Variants in GALNTL6 observed in about 807,000 individuals in gnomAD.
The protein encoded by GALNTL6 is polypeptide N-acetylgalactosaminyltransferase like 6, also known as polypeptide N-acetylgalactosaminyltransferase-like 6.
GALNTL6 carries 46 observed loss-of-function variants against 73.7 expected under a neutral mutation model. That is an observed-to-expected ratio of 0.62 (90% CI 0.49 to 0.80). The LOEUF is 0.80. Among genes scored for constraint, GALNTL6 ranks in the 30% least tolerant of loss-of-function variants. The pLI, the probability that GALNTL6 is intolerant of heterozygous loss-of-function variation, is 0.00. For synonymous variants in GALNTL6, 259 were observed against 263.7 expected (o/e 0.98, Z 0.17); for missense variants, 604 against 755.0 (o/e 0.80, Z 2.34).
intron 5 of GALNTL6, among the ~76,000 whole-genome samples, chr4:172,627,175 C>G (rs188594432): frequency 1.3e-5 from 2 of 152,000 alleles, no homozygotes; most frequent in African/African-American, 4.8e-5. Context: ...TTCTTCAATG[C>G]CTAGTTTGGT....
chr4:172,341,295 C>CAA (rs1204765599), intron 4 of GALNTL6, among the ~76,000 whole-genome samples: 7 of 150,388 alleles, frequency 4.7e-5, no homozygotes, highest in African/African-American at 1.5e-4. Context: ...ACTAAAAATA[C>CAA]AAAAAATTAG....
chr4:172,308,199 G>A (rs1276416574), intron 3 of GALNTL6, among the ~76,000 whole-genome samples: 2 of 150,824 alleles, frequency 1.3e-5, no homozygotes, highest in African/African-American at 2.4e-5. Context: ...AATGAATTCA[G>A]TAAAGTAGTA....
chr4:172,139,250 G>C (rs1733740063), intron 2 of GALNTL6, among the ~76,000 whole-genome samples: 1 of 152,128 alleles, frequency 6.6e-6, no homozygotes, highest in African/African-American at 2.4e-5. Flanking sequence ...ATTGCTCACT[G>C]TTTATGCCCT....
intron 8 of GALNTL6, among the ~76,000 whole-genome samples, chr4:172,916,939 A>C (rs1747553665): frequency 6.6e-6 from 1 of 152,242 alleles, no homozygotes; most frequent in Non-Finnish European, 1.5e-5. Flanking sequence ...CACATTGCTA[A>C]GACAATCCTG....
intron 5 of GALNTL6, among the ~76,000 whole-genome samples, chr4:172,738,091 G>A (rs1335433632): frequency 6.6e-6 from 1 of 152,156 alleles, no homozygotes; most frequent in Non-Finnish European, 1.5e-5. Flanking sequence ...TTCCCTTCAG[G>A]CAGTCATGAT....
intron 10 of GALNTL6, among the ~76,000 whole-genome samples, chr4:172,957,140 A>G (rs988456362): frequency 4.6e-5 from 7 of 152,276 alleles, no homozygotes; most frequent in African/African-American, 7.2e-5. Context: ...CCTGGGCGGG[A>G]GCAAATCCCC....
At chr4:172,881,144 G>A (rs1049510340) in intron 7 of GALNTL6, among the ~76,000 whole-genome samples, 3 of 152,148 alleles carry the variant, frequency 2.0e-5, no homozygotes, top group Non-Finnish European at 4.4e-5. Flanking sequence ...ACCAACACTT[G>A]CAGAAGTAAT....
At chr4:172,778,857 T>C (rs1172712995) in intron 5 of GALNTL6, among the ~76,000 whole-genome samples, 1 of 152,222 alleles carries the variant, frequency 6.6e-6, no homozygotes, top group Non-Finnish European at 1.5e-5. Flanking sequence ...CGGAAAGTCG[T>C]ATAAGCCTTA....
At chr4:172,639,588 T>C (rs1739867752) in intron 5 of GALNTL6, among the ~76,000 whole-genome samples, 1 of 152,160 alleles carries the variant, frequency 6.6e-6, no homozygotes, top group South Asian at 2.1e-4. Flanking sequence ...GTAATTATAC[T>C]ATGTCTTTCT....
chr4:172,698,164 T>C (rs866961414), intron 5 of GALNTL6, among the ~76,000 whole-genome samples: 8 of 151,838 alleles, frequency 5.3e-5, no homozygotes, highest in Non-Finnish European at 1.0e-4. Flanking sequence ...TCCTCCCCAT[T>C]TGGGAGGAGT....
chr4:172,716,475 G>T (rs1043491613), intron 5 of GALNTL6, among the ~76,000 whole-genome samples: 1 of 138,388 alleles, frequency 7.2e-6, no homozygotes, highest in Non-Finnish European at 1.6e-5. Flanking sequence ...TTATCTCCTC[G>T]ATGACTGACG....
intron 5 of GALNTL6, among the ~76,000 whole-genome samples, chr4:172,462,404 G>A (rs62331673): frequency 0.042 from 6,435 of 152,200 alleles, 216 homozygotes; most frequent in Non-Finnish European, 0.064. Flanking sequence ...TACCTATAGA[G>A]ACAGGATGTT....
At chr4:172,503,675 A>G (rs1002768312) in intron 5 of GALNTL6, among the ~76,000 whole-genome samples, 1 of 151,816 alleles carries the variant, frequency 6.6e-6, no homozygotes, top group African/African-American at 2.4e-5. Flanking sequence ...ATGTTACAGA[A>G]GTGAATTCAA....
chr4:172,815,205 C>T (rs1741531810), intron 7 of GALNTL6, among the ~76,000 whole-genome samples: 1 of 151,770 alleles, frequency 6.6e-6, no homozygotes. Flanking sequence ...TTTAGCCATT[C>T]GACAATATGT....
At chr4:172,234,391 GATCA>G (rs1221307740) in intron 3 of GALNTL6, among the ~76,000 whole-genome samples, 1 of 151,990 alleles carries the variant, frequency 6.6e-6, no homozygotes, top group East Asian at 1.9e-4. Flanking sequence ...TCTATTGTTA[GATCA>G]ATTTGTCTAA....
chr4:172,247,114 T>G (rs1737688357), intron 3 of GALNTL6, among the ~76,000 whole-genome samples: 1 of 152,096 alleles, frequency 6.6e-6, no homozygotes, highest in Admixed American at 6.6e-5. Context: ...CCCTCTAGTC[T>G]CTTCTCTATA....
intron 5 of GALNTL6, among the ~76,000 whole-genome samples, chr4:172,558,483 A>C (rs921269985): frequency 1.3e-5 from 2 of 152,192 alleles, no homozygotes; most frequent in Non-Finnish European, 2.9e-5. Flanking sequence ...AAGAGACAGC[A>C]GGGATGTGTG....
chr4:172,087,046 A>T (rs1479675306), intron 2 of GALNTL6, among the ~76,000 whole-genome samples: 1 of 152,168 alleles, frequency 6.6e-6, no homozygotes, highest in Non-Finnish European at 1.5e-5. Flanking sequence ...GAAATGACGA[A>T]AGTATTCAAG....
rs910757766 is a variant in GALNTL6 at position 172,658,492 on chromosome 4, G to GA, written c.554-150859dup. On this transcript the variant is annotated intron_variant, in intron 5 of 12. Coordinates refer to ENST00000506823, the MANE Select transcript of GALNTL6 (RefSeq NM_001034845.3). Reference sequence around the variant, plus strand: ...AAAAAAAAAAAAAAAGAAAGAAAAAGAAAAAAAAAAGAAATATCTTTGTGG... The same window carrying GA: ...AAAAAAAAAAAAAAAGAAAGAAAAAGAAAAAAAAAAAGAAATATCTTTGTGG... 4.2e-4 allele frequency among the ~76,000 whole-genome samples: 59 copies of GA among 141,630 alleles called. No homozygotes were observed. The East Asian group carries it at 5.5e-3, about 13-fold the overall frequency. The allele number at this position is 141,630 out of a possible 152,430, so 92.9% of individuals were successfully genotyped here. A position where few individuals can be genotyped will look rare whatever the true frequency, so the allele number is the denominator to read the frequency against.
Sources: allele counts gnomAD v4.1 joint callset (sites outside exome capture counted in the v4.1 genomes callset), GRCh38; gene constraint gnomAD v4.1.1; transcripts MANE v1.5; gene names NCBI Gene and HGNC (gene_info 2026-07-23, HGNC 2026-07-21).